The following RBM33 variants were observed in gnomAD, a reference collection of about 807,000 sequenced individuals.
RBM33 encodes RNA binding motif protein 33, also known as RNA-binding protein 33.
RBM33 carries 28 observed loss-of-function variants against 132.6 expected under a neutral mutation model. The ratio of observed to expected loss-of-function variants is 0.21; its 90% confidence interval spans 0.16 to 0.29. The LOEUF (loss-of-function observed/expected upper bound fraction) is 0.29. Among genes scored for constraint, RBM33 ranks in the 10% least tolerant of loss-of-function variants. The pLI, the probability that RBM33 is intolerant of heterozygous loss-of-function variation, is 1.00. For synonymous variants in RBM33, 634 were observed against 593.0 expected, an observed-to-expected ratio of 1.07 and a Z score of -1.01; for missense variants, 1,291 against 1,518.5, an observed-to-expected ratio of 0.85 and a Z score of 2.49.
chr7:155,754,767 A>G (rs1563177525), intron 14 of RBM33, among the ~76,000 whole-genome samples: 1 of 152,248 alleles, frequency 6.6e-6, no homozygotes, highest in Non-Finnish European at 1.5e-5. Flanking sequence ...CGTACTAGAA[A>G]GTCAAATGCA....
At chr7:155,768,245 CTCACAGCATTGAGT>C (rs1215174926) in intron 16 of RBM33, among the ~76,000 whole-genome samples, 1 of 152,244 alleles carries the variant, frequency 6.6e-6, no homozygotes. Flanking sequence ...CTGTTTGCTT[CTCACAGCATTGAGT>C]GAGGCTCAGA....
chr7:155,742,470 A>G (rs1195032744), intron 13 of RBM33, among the ~76,000 whole-genome samples: 3 of 152,192 alleles, frequency 2.0e-5, no homozygotes, highest in Non-Finnish European at 4.4e-5. Flanking sequence ...GGCAATTTAA[A>G]TATAGTTCTT....
At chr7:155,664,193 T>C (rs1798732731) in intron 1 of RBM33, among the ~76,000 whole-genome samples, 2 of 152,142 alleles carry the variant, frequency 1.3e-5, no homozygotes, top group South Asian at 4.1e-4. Context: ...ATGTAAAATA[T>C]GCTGTTAATA....
intron 5 of RBM33, among the ~76,000 whole-genome samples, chr7:155,700,114 A>G (rs1161293187): frequency 6.6e-6 from 1 of 152,224 alleles, no homozygotes; most frequent in Non-Finnish European, 1.5e-5. Flanking sequence ...GAATACTGAT[A>G]TAATAAAATT....
intron 2 of RBM33, among the ~76,000 whole-genome samples, chr7:155,671,889 T>C (rs1241432082): frequency 6.6e-6 from 1 of 152,206 alleles, no homozygotes; most frequent in Non-Finnish European, 1.5e-5. Context: ...ATCTTGTTTC[T>C]AATAAATGCA....
chr7:155,728,440 C>T (rs1276453068), intron 9 of RBM33, among the ~76,000 whole-genome samples: 1 of 152,142 alleles, frequency 6.6e-6, no homozygotes, highest in Non-Finnish European at 1.5e-5. Flanking sequence ...ACTTGCAAAT[C>T]CTTCTTTCTC....
rs777140963 is a variant in RBM33 at position 155,738,277 on chromosome 7, G to T, written c.1611G>T (p.Pro537=). Reference sequence around the variant, plus strand: ...GACCAGCCTTGCAGCCTCCAGGTCCGGTGGGGATTCTGCACTTTAGCCAGC... The same window carrying T: ...GACCAGCCTTGCAGCCTCCAGGTCCTGTGGGGATTCTGCACTTTAGCCAGC... ...PVRPALQPPG[P]VGILHFSQPG... The change falls in exon 11 of 18, where the codon CCG becomes CCT. Residue 537 remains proline, a synonymous_variant. Coordinates refer to ENST00000401878, the MANE Select transcript of RBM33 (RefSeq NM_053043.3). The T allele has an allele frequency of 6.2e-7, 1 of 1,613,924 alleles. No homozygotes were observed. Among genetic ancestry groups the T allele is most frequent in the Admixed American group, 1.7e-5 (1 of 59,998 alleles).
chr7:155,685,949 A>G (rs1252741697), intron 5 of RBM33, among the ~76,000 whole-genome samples: 1 of 152,216 alleles, frequency 6.6e-6, no homozygotes, highest in Non-Finnish European at 1.5e-5. Context: ...CAGTATGAAT[A>G]ATACTATGAC....
chr7:155,756,219 G>A (rs1801845853), intron 14 of RBM33, among the ~76,000 whole-genome samples: 1 of 152,168 alleles, frequency 6.6e-6, no homozygotes, highest in Non-Finnish European at 1.5e-5. Flanking sequence ...TGAATCAACA[G>A]TATTTTAAAA....
At chr7:155,723,884 T>C (rs1378198536) in intron 9 of RBM33, among the ~76,000 whole-genome samples, 1 of 152,228 alleles carries the variant, frequency 6.6e-6, no homozygotes, top group African/African-American at 2.4e-5. Context: ...AGCAATCTCC[T>C]ATGCATACCA....
intron 8 of RBM33, 90 bp from the exon 9 acceptor site, chr7:155,718,295 A>G: frequency 2.1e-6 from 2 of 957,762 alleles, no homozygotes; most frequent in Non-Finnish European, 3.4e-6. Context: ...TACGCATAGT[A>G]TATATTTTAT....
chr7:155,706,230 G>C (rs539539430), intron 6 of RBM33, among the ~76,000 whole-genome samples: 16 of 152,306 alleles, frequency 1.1e-4, no homozygotes, highest in African/African-American at 3.9e-4. Context: ...GGTGGCTCAC[G>C]CCTGTAATCC....
intron 9 of RBM33, among the ~76,000 whole-genome samples, chr7:155,724,195 T>G (rs1211456296): frequency 1.3e-5 from 2 of 152,188 alleles, no homozygotes; most frequent in Non-Finnish European, 2.9e-5. Flanking sequence ...GTGGTTCTGT[T>G]TAGGTGCATT....
intron 1 of RBM33, among the ~76,000 whole-genome samples, chr7:155,646,896 T>C (rs1372773485): frequency 6.6e-6 from 1 of 152,262 alleles, no homozygotes; most frequent in East Asian, 1.9e-4. Flanking sequence ...AACAAACATT[T>C]GGTGAATGAA....
At chr7:155,683,736 C>T (rs780682752) in intron 5 of RBM33, among the ~76,000 whole-genome samples, 14 of 152,032 alleles carry the variant, frequency 9.2e-5, no homozygotes, top group Admixed American at 5.9e-4. Context: ...TTGGTTTAGT[C>T]GACAAAATAT....
chr7:155,737,381 G>T (rs1436717041), intron 9 of RBM33, 149 bp from the exon 10 acceptor site: 6 of 653,774 alleles, frequency 9.2e-6, no homozygotes, highest in Non-Finnish European at 1.5e-5. Context: ...GTGTGTGTGT[G>T]TGTGTAGAAA....
intron 1 of RBM33, among the ~76,000 whole-genome samples, chr7:155,663,241 G>C (rs1798705792): frequency 6.7e-6 from 1 of 150,090 alleles, no homozygotes; most frequent in South Asian, 2.1e-4. Context: ...GTTCTGTTTG[G>C]TAATTGTATT....
intron 5 of RBM33, among the ~76,000 whole-genome samples, chr7:155,682,314 CAT>C (rs912644020): frequency 8.5e-5 from 13 of 152,122 alleles, no homozygotes; most frequent in African/African-American, 3.1e-4. Context: ...TAAATAGAAT[CAT>C]GTAAAAGGCA....
intron 1 of RBM33, among the ~76,000 whole-genome samples, chr7:155,645,897 C>T (rs114049210): frequency 6.6e-6 from 1 of 152,286 alleles, no homozygotes; most frequent in African/African-American, 2.4e-5. Context: ...ACTGTCAAAA[C>T]GTTTGCCTGA....
Sources: allele counts gnomAD v4.1 joint callset (sites outside exome capture counted in the v4.1 genomes callset), GRCh38; gene constraint gnomAD v4.1.1; transcripts MANE v1.5; gene names NCBI Gene and HGNC (gene_info 2026-07-23, HGNC 2026-07-21).